NKAIN2: variants seen among roughly 807,000 people sequenced by gnomAD.
The protein encoded by NKAIN2 is sodium/potassium-transporting ATPase subunit beta-1-interacting protein 2.
NKAIN2 carries 14 observed loss-of-function variants against 32.6 expected under a neutral mutation model. The observed-to-expected ratio is 0.43, with a 90% CI of 0.28 to 0.67. The LOEUF (loss-of-function observed/expected upper bound fraction) is 0.67. Ranked by LOEUF, NKAIN2 falls within the 30% of genes least tolerant of loss-of-function variation. The pLI, the probability that NKAIN2 is intolerant of heterozygous loss-of-function variation, is 0.17. For synonymous variants in NKAIN2, 80 were observed against 87.2 expected (o/e 0.92, Z 0.46); for missense variants, 198 against 258.3 (o/e 0.77, Z 1.60).
At chr6:124,366,448 CAG>C (rs1032865070) in intron 3 of NKAIN2, among the ~76,000 whole-genome samples, 1 of 149,424 alleles carries the variant, frequency 6.7e-6, no homozygotes, top group African/African-American at 2.5e-5. Context: ...AATCTTTTGA[CAG>C]AAAAAAAAAA....
chr6:124,053,336 G>T (rs530483358), intron 1 of NKAIN2, among the ~76,000 whole-genome samples: 3 of 152,022 alleles, frequency 2.0e-5, no homozygotes, highest in Non-Finnish European at 4.4e-5. Flanking sequence ...CAGCTCCAGA[G>T]GTGAGGTGGA....
intron 3 of NKAIN2, among the ~76,000 whole-genome samples, chr6:124,405,268 A>G (rs1006002948): frequency 6.6e-6 from 1 of 152,178 alleles, no homozygotes; most frequent in Admixed American, 6.6e-5. Flanking sequence ...AATAATCTCA[A>G]TAATACTTAG....
intron 1 of NKAIN2, among the ~76,000 whole-genome samples, chr6:124,118,674 A>G (rs147618076): frequency 3.9e-4 from 60 of 152,288 alleles, no homozygotes; most frequent in African/African-American, 1.3e-3. Flanking sequence ...AAGCACGTTT[A>G]TAAAACAGTG....
chr6:124,186,280 A>AAGAG (rs927299657), intron 1 of NKAIN2, among the ~76,000 whole-genome samples: 2 of 151,926 alleles, frequency 1.3e-5, no homozygotes, highest in Non-Finnish European at 2.9e-5. Flanking sequence ...AGGAGAAAGA[A>AAGAG]AGAGAGAGAG....
intron 4 of NKAIN2, among the ~76,000 whole-genome samples, chr6:124,702,697 G>C (rs1774858255): frequency 6.6e-6 from 1 of 151,940 alleles, no homozygotes; most frequent in African/African-American, 2.4e-5. Context: ...ATGCTTATTA[G>C]CCTTCTGAGA....
At chr6:124,492,124 A>G (rs1777887763) in intron 3 of NKAIN2, among the ~76,000 whole-genome samples, 1 of 151,968 alleles carries the variant, frequency 6.6e-6, no homozygotes, top group South Asian at 2.1e-4. Context: ...ACTTGCATTT[A>G]TAGCTCACAG....
chr6:124,121,957 TAATA>T, intron 1 of NKAIN2: 1 of 1,074,912 alleles, frequency 9.3e-7, no homozygotes, highest in South Asian at 1.4e-5. Flanking sequence ...TTTTTCAGAG[TAATA>T]TTTTTCCATT....
intron 1 of NKAIN2, among the ~76,000 whole-genome samples, chr6:123,939,000 A>C (rs1346941600): frequency 6.6e-6 from 1 of 151,966 alleles, no homozygotes; most frequent in East Asian, 1.9e-4. Context: ...AGAATCAGGC[A>C]ATGATTCTGG....
At chr6:124,271,333 CAGCCTCCCAAGT>C (rs1794758368) in intron 1 of NKAIN2, among the ~76,000 whole-genome samples, 1 of 152,190 alleles carries the variant, frequency 6.6e-6, no homozygotes, top group African/African-American at 2.4e-5. Flanking sequence ...TCTCCTGCCT[CAGCCTCCCAAGT>C]AGCTGGGACT....
intron 1 of NKAIN2, among the ~76,000 whole-genome samples, chr6:124,211,301 A>T (rs1791163574): frequency 1.3e-5 from 2 of 152,004 alleles, no homozygotes; most frequent in African/African-American, 4.8e-5. Context: ...CAATATATTT[A>T]AAAAAGATTT....
At chr6:124,249,188 T>C (rs1793567172) in intron 1 of NKAIN2, among the ~76,000 whole-genome samples, 1 of 152,144 alleles carries the variant, frequency 6.6e-6, no homozygotes, top group African/African-American at 2.4e-5. Context: ...ACAATACCTC[T>C]TTCAATGGAT....
chr6:124,550,023 A>G (rs922983768), intron 3 of NKAIN2, among the ~76,000 whole-genome samples: 1 of 152,202 alleles, frequency 6.6e-6, no homozygotes, highest in African/African-American at 2.4e-5. Flanking sequence ...GCTTTTGCCC[A>G]TGAAGCTTAC....
intron 3 of NKAIN2, among the ~76,000 whole-genome samples, chr6:124,411,676 C>T (rs536349707): frequency 1.3e-4 from 20 of 152,208 alleles, no homozygotes; most frequent in African/African-American, 4.1e-4. Context: ...TTGCTCTTCT[C>T]GAGGAGTATC....
chr6:124,355,629 A>G (rs1798936794), intron 3 of NKAIN2, among the ~76,000 whole-genome samples: 1 of 152,160 alleles, frequency 6.6e-6, no homozygotes, highest in Admixed American at 6.5e-5. Flanking sequence ...CTGAAGCAAA[A>G]TGTGAATTTT....
At chr6:124,595,522 G>C (rs148648553) in intron 3 of NKAIN2, among the ~76,000 whole-genome samples, 97 of 152,226 alleles carry the variant, frequency 6.4e-4, no homozygotes, top group Admixed American at 2.0e-3. Context: ...AAGAACAACC[G>C]CTTTATGAGC....
intron 1 of NKAIN2, among the ~76,000 whole-genome samples, chr6:123,849,520 C>G (rs1775227690): frequency 6.6e-6 from 1 of 152,120 alleles, no homozygotes; most frequent in African/African-American, 2.4e-5. Context: ...ACGTCCCTAC[C>G]CCTGTTAGTC....
intron 3 of NKAIN2, among the ~76,000 whole-genome samples, chr6:124,476,101 T>C (rs1169266418): frequency 2.9e-5 from 4 of 139,022 alleles, no homozygotes; most frequent in East Asian, 2.4e-4. Context: ...TGTGTGTGCG[T>C]GCGCGCGCGC....
chr6:124,444,637 T>C (rs1436774366), intron 3 of NKAIN2, among the ~76,000 whole-genome samples: 1 of 152,058 alleles, frequency 6.6e-6, no homozygotes, highest in Non-Finnish European at 1.5e-5. Flanking sequence ...AATATATTCT[T>C]GAATTAGGCT....
chr6:124,162,134 C>T lies in NKAIN2; in HGVS notation c.55-120871C>T, dbSNP rs182290463. On this transcript the variant is annotated intron_variant, in intron 1 of 6. Transcript: ENST00000368417. ...GTTGTATCACTCATTTGATTTCAGG[C>T]AGGTCAGGTAGTTCTTAAGCATCAG... is the stretch of plus-strand genomic sequence containing the variant. Among the ~76,000 whole-genome samples, 115 of 152,086 alleles carry T rather than the reference C, an allele frequency of 7.6e-4. No homozygotes were observed. The South Asian group carries it at 9.1e-3, about 12-fold the overall frequency.
Sources: allele counts gnomAD v4.1 joint callset (sites outside exome capture counted in the v4.1 genomes callset), GRCh38; gene constraint gnomAD v4.1.1; transcripts MANE v1.5; gene names NCBI Gene and HGNC (gene_info 2026-07-23, HGNC 2026-07-21).